MCM7: variants seen among roughly 807,000 people sequenced by gnomAD.
MCM7 encodes minichromosome maintenance complex component 7, also known as DNA replication licensing factor MCM7.
In MCM7, 95 loss-of-function variants were observed where a neutral mutation model predicts 83.5. The observed-to-expected ratio is 1.14, with a 90% confidence interval of 0.96 to 1.35. The LOEUF (loss-of-function observed/expected upper bound fraction) is 1.35. Among genes scored for constraint, MCM7 ranks in the 40% most tolerant of loss-of-function variants. The pLI is 0.00. For synonymous variants in MCM7, 461 were observed against 352.7 expected (o/e 1.31, Z -3.44); for missense variants, 1,087 against 957.4 (o/e 1.14, Z -1.79).
rs1466150009 is a variant in MCM7 at position 100,097,865 on chromosome 7, C to T, written c.954G>A (p.Glu318=). The T allele has an allele frequency of 1.9e-6, 3 of 1,614,056 alleles. No individual in the cohort carries two copies. In the Admixed American group the frequency reaches 5.0e-5, roughly 27 times the overall value. The part of the protein sequence containing the change: ...KSEDDESGAG[E]LTREELRQIA... ...TTTGCCTCAGCTCCTCCCTGGTGAG[C>T]TCTCCAGCCCCAGACTCATCATCCT... Residue 318 remains glutamate, a synonymous_variant, in exon 8 of 15, where the codon GAG becomes GAA. Coordinates refer to ENST00000303887, the MANE Select transcript of MCM7 (RefSeq NM_005916.5).
At chr7:100,097,481 C>T in intron 9 of MCM7, 97 bp from the exon 10 acceptor site, 2 of 1,572,674 alleles carry the variant, frequency 1.3e-6, no homozygotes, top group Non-Finnish European at 1.7e-6. Context: ...ACACCCAGCA[C>T]TATTTCTAAG....
At chr7:100,100,311 C>A in intron 1 of MCM7, 1 of 1,288,386 alleles carries the variant, frequency 7.8e-7, no homozygotes, top group Non-Finnish European at 9.9e-7. Flanking sequence ...CATCCAACAT[C>A]TCCCCAGGGG....
At chr7:100,096,304 C>G in intron 10 of MCM7, 137 bp from the exon 11 acceptor site, 1 of 839,742 alleles carries the variant, frequency 1.2e-6, no homozygotes, top group Admixed American at 3.0e-5. Context: ...TTGAGATGCC[C>G]GAGGATCTGT....
Position 100,095,473 on chromosome 7 carries a change from G to A in MCM7, c.1596-3C>T, listed in dbSNP as rs888728831. On this transcript the variant is annotated splice_region_variant and splice_polypyrimidine_tract_variant and intron_variant, in intron 11 of 14. Coordinates refer to ENST00000303887, the MANE Select transcript of MCM7 (RefSeq NM_005916.5). ...CATAGGTGATGTGCTGGGCCAACCT[G>A]GACAGAGGGAAGGTTAGAAGGAACA... The A allele has an allele frequency of 3.0e-5, 49 of 1,613,594 alleles. No individual in the cohort carries two copies. The highest frequency in any genetic ancestry group is 4.2e-5 in the Non-Finnish European group (49 of 1,179,770).
intron 1 of MCM7, chr7:100,100,719 C>G: frequency 1.0e-6 from 1 of 988,938 alleles, no homozygotes. Flanking sequence ...CAGCTCTCTC[C>G]GCGGCCGCCG....
chr7:100,094,727 A>G, intron 12 of MCM7, among the ~76,000 whole-genome samples: 1 of 152,194 alleles, frequency 6.6e-6, no homozygotes, highest in East Asian at 1.9e-4. Flanking sequence ...AGAACACTGG[A>G]GGCTCATGGG....
At position 100,101,284 on chromosome 7, in the gene MCM7, T is replaced by C. The variant is rs1300153110; in HGVS notation, c.11A>G (p.Lys4Arg). The C allele has an allele frequency of 2.5e-6, 4 of 1,613,304 alleles. No individual in the cohort carries two copies. Among genetic ancestry groups the C allele is most frequent in the Non-Finnish European group, 3.4e-6 (4 of 1,179,904 alleles). The stretch of plus-strand genomic sequence containing the variant: ...CGTACCCTTCTCTAGCGCGTAGTCC[T>C]TCAGTGCCATCGCTGCCGAGGGCCG... Reference protein sequence around the residue: MALKDYALEKEKVK... With the variant: MALRDYALEKEKVK... The change falls in exon 1 of 15, where the codon AAG (lysine) becomes AGG (arginine). Residue 4 changes from lysine to arginine, a missense_variant. Coordinates refer to ENST00000303887, the MANE Select transcript of MCM7 (RefSeq NM_005916.5).
chr7:100,092,840 G>T lies in MCM7; in HGVS notation c.*92C>A. The T allele has an allele frequency of 1.5e-6, 2 of 1,331,234 alleles. No individual in the cohort carries two copies. Among genetic ancestry groups the T allele is most frequent in the Non-Finnish European group, 2.1e-6 (2 of 932,856 alleles). 82.5% of individuals were successfully genotyped at this position (1,331,234 alleles called of 1,614,324 possible). ...TAAGTGCAGCATGGGAGAAAGAGGG[G>T]CTCCTCCTTCCCCTCAAAGGCATCA... On this transcript the variant is annotated 3_prime_UTR_variant, in exon 15 of 15. Transcript: ENST00000303887.
chr7:100,097,589 G>A (rs774585536), intron 9 of MCM7, 25 bp downstream of exon 9: 2 of 1,612,848 alleles, frequency 1.2e-6, no homozygotes, highest in Admixed American at 1.7e-5. Context: ...CATCCACCCT[G>A]AGCCTCTCCC....
At position 100,099,415 on chromosome 7, in the gene MCM7, G is replaced by GAAA. The variant is rs754272918; in HGVS notation, c.277-13_277-12insTTT. The GAAA allele has an allele frequency of 6.0e-6, 5 of 837,732 alleles. No homozygotes were observed. The highest frequency in any genetic ancestry group is 1.0e-4 in the Admixed American group (2 of 19,140). The allele number at this position is 837,732 out of a possible 1,614,324, so 51.9% of individuals were successfully genotyped here. A position where few individuals can be genotyped will look rare whatever the true frequency, so the allele number is the denominator to read the frequency against. On this transcript the variant is annotated splice_polypyrimidine_tract_variant and intron_variant, in intron 3 of 14. Coordinates refer to ENST00000303887, the MANE Select transcript of MCM7 (RefSeq NM_005916.5). Reference sequence around the variant, plus strand: ...TCTTTATTTACCACCTAAAGGAGAAGAACAAAAAAAAAAAAAAAAAAGAGC... The same window carrying GAAA: ...TCTTTATTTACCACCTAAAGGAGAAGAAAAACAAAAAAAAAAAAAAAAAAGAGC...
chr7:100,096,085 G>A lies in MCM7; in HGVS notation c.1284C>T (p.Thr428=). ...CCAGCACCAGGGCCCCACCCTCTAA[G>A]GTCAGTTCTCCACTCACGGAGTCTC... ...VLRDSVSGEL[T]LEGGALVLAD... Residue 428 remains threonine (T), a synonymous_variant, in exon 11 of 15, where the codon ACC becomes ACT. Transcript: ENST00000303887. 6.2e-7 allele frequency: 1 copy of A among 1,614,092 alleles called. No homozygotes were observed. Among genetic ancestry groups the A allele is most frequent in the Non-Finnish European group, 8.5e-7 (1 of 1,180,014 alleles).
At chr7:100,098,796 T>G in intron 5 of MCM7, 81 bp from the exon 6 acceptor site, 1 of 1,559,922 alleles carries the variant, frequency 6.4e-7, no homozygotes. Flanking sequence ...TCACATTTTC[T>G]CTTCATGGCA....
Position 100,098,598 on chromosome 7 carries a change from C to G in MCM7, c.700G>C (p.Glu234Gln), listed in dbSNP as rs763516072. Residue 234 changes from glutamate (E) to glutamine (Q), a missense_variant, in exon 6 of 15, where the codon GAG becomes CAG. Transcript: ENST00000303887. The stretch of plus-strand genomic sequence containing the variant: ...CTCACATGTTCTTGCATCTTCATCT[C>G]CTGGAATTTGATGAATCTGGAGCCC... ...TRGSRFIKFQEMKMQEHSDQV... is the reference protein window; with the variant it reads ...TRGSRFIKFQQMKMQEHSDQV... 1.2e-6 allele frequency: 2 copies of G among 1,614,214 alleles called. No homozygotes were observed. Among genetic ancestry groups the G allele is most frequent in the South Asian group, 2.2e-5 (2 of 91,082 alleles).
rs749581129 is a variant in MCM7 at position 100,093,324 on chromosome 7, G to A, written c.1926C>T (p.Asp642=). ...TCTGCCCCTTGTCTCCTAGAAGAGA[G>A]TCCTTTGACATCTCCATTAGCCTGA... is the stretch of plus-strand genomic sequence containing the variant. ...EAIRLMEMSK[D]SLLGDKGQTA... is the part of the protein sequence containing the mutation. Residue 642 remains aspartate (D), a synonymous_variant, in exon 14 of 15, where the codon GAC becomes GAT. Transcript: ENST00000303887. The A allele has an allele frequency of 6.2e-7, 1 of 1,614,012 alleles. No individual in the cohort carries two copies. The highest frequency in any genetic ancestry group is 8.5e-7 in the Non-Finnish European group (1 of 1,180,018).
chr7:100,099,207 A>G lies in MCM7; in HGVS notation c.402-4T>C, dbSNP rs1463901740. On this transcript the variant is annotated splice_region_variant and splice_polypyrimidine_tract_variant and intron_variant, in intron 4 of 14. Coordinates refer to ENST00000303887, the MANE Select transcript of MCM7 (RefSeq NM_005916.5). ...AGGGCCTTGAAAATACAGCTCACTA[A>G]GGGGAGAAAACAGTCACAAACAAGA... 6.2e-7 allele frequency: 1 copy of G among 1,614,050 alleles called. No individual in the cohort carries two copies. Among genetic ancestry groups the G allele is most frequent in the Non-Finnish European group, 8.5e-7 (1 of 1,179,988 alleles).
At chr7:100,095,189 T>C (rs1324625499) in intron 12 of MCM7, among the ~76,000 whole-genome samples, 198 bp downstream of exon 12, 3 of 152,160 alleles carry the variant, frequency 2.0e-5, no homozygotes, top group Admixed American at 6.5e-5. Flanking sequence ...AAATAAATAG[T>C]GTAGGAAACA....
intron 3 of MCM7, 33 bp downstream of exon 3, chr7:100,099,556 C>A (rs770109688): frequency 7.0e-5 from 113 of 1,609,722 alleles, no homozygotes; most frequent in Non-Finnish European, 9.1e-5. Flanking sequence ...AAACGCCTCG[C>A]CCTTTGTTTG....
chr7:100,093,653 G>A (rs1197574071), intron 13 of MCM7: 1 of 736,574 alleles, frequency 1.4e-6, no homozygotes, highest in Non-Finnish European at 2.6e-6. Flanking sequence ...CAGTCCCGGA[G>A]TTCAGCTGTC....
chr7:100,099,436 A>G, intron 3 of MCM7, 33 bp from the exon 4 acceptor site: 4 of 1,552,300 alleles, frequency 2.6e-6, no homozygotes, highest in Non-Finnish European at 2.6e-6. Flanking sequence ...AAAAAAAAAA[A>G]GAGCAACAGG....
Sources: gnomAD v4.1 joint callset for allele counts (sites outside exome capture counted in the v4.1 genomes callset) on GRCh38, gnomAD v4.1.1 for gene constraint, MANE v1.5 for transcripts, NCBI Gene and HGNC (gene_info 2026-07-23, HGNC 2026-07-21) for gene names.